Variants in RIMS2 observed in about 807,000 individuals in gnomAD.
RIMS2 encodes regulating synaptic membrane exocytosis 2, also known as regulating synaptic membrane exocytosis protein 2.
In RIMS2, 59 loss-of-function variants were observed where a neutral mutation model predicts 174.4. The ratio of observed to expected loss-of-function variants is 0.34; its 90% CI spans 0.27 to 0.42. The LOEUF is 0.42. RIMS2 is among the 10% of genes least tolerant of loss of function. RIMS2 has a pLI of 1.00. For missense variants in RIMS2, 1,620 were observed against 1,666.3 expected (o/e 0.97, Z 0.48); for synonymous variants, 606 against 572.5 (o/e 1.06, Z -0.84).
intron 19 of RIMS2, among the ~76,000 whole-genome samples, chr8:104,173,540 CA>C (rs1305306120): frequency 7.1e-6 from 1 of 141,378 alleles, no homozygotes; most frequent in Non-Finnish European, 1.5e-5. Context: ...TGTTATGAAA[CA>C]TTTTTTATAG....
chr8:103,871,797 C>T (rs755374056), intron 3 of RIMS2, among the ~76,000 whole-genome samples: 9 of 151,466 alleles, frequency 5.9e-5, no homozygotes, highest in Non-Finnish European at 1.0e-4. Context: ...TTTTTTTTTA[C>T]ATTTAGTTCT....
intron 3 of RIMS2, among the ~76,000 whole-genome samples, chr8:103,780,818 G>T (rs553022062): frequency 6.6e-6 from 1 of 152,050 alleles, no homozygotes; most frequent in East Asian, 1.9e-4. Flanking sequence ...CTATGTCTTT[G>T]CATTGAAAGG....
intron 19 of RIMS2, among the ~76,000 whole-genome samples, chr8:104,018,944 T>A (rs2096005651): frequency 6.6e-6 from 1 of 152,190 alleles, no homozygotes; most frequent in Non-Finnish European, 1.5e-5. Context: ...GTCCCTATTA[T>A]GTTTATATAC....
intron 8 of RIMS2, among the ~76,000 whole-genome samples, chr8:103,917,049 T>C (rs2076749152): frequency 6.6e-6 from 1 of 152,206 alleles, no homozygotes; most frequent in African/African-American, 2.4e-5. Context: ...ATAATGCCTA[T>C]GCATTAAATA....
At chr8:103,730,580 ATCTTTTGGTCTT>A in intron 2 of RIMS2, among the ~76,000 whole-genome samples, 1 of 152,268 alleles carries the variant, frequency 6.6e-6, no homozygotes, top group Non-Finnish European at 1.5e-5. Flanking sequence ...TGATAGATTC[ATCTTTTGGTCTT>A]TCTACTCAAG....
intron 17 of RIMS2, among the ~76,000 whole-genome samples, chr8:104,006,063 A>G (rs893575098): frequency 6.6e-5 from 10 of 152,112 alleles, no homozygotes; most frequent in African/African-American, 2.4e-4. Flanking sequence ...TCTCTACATT[A>G]CAAATCATCT....
At position 104,220,233 on chromosome 8, in the gene RIMS2, C is replaced by T. The variant is rs185757358; in HGVS notation, c.3335-24683C>T. The stretch of plus-strand genomic sequence containing the variant: ...TTCTCTTTCATTCTTTCTACTCTAC[C>T]TTGTGCCATTCTTCCGTCACTCATC... On this transcript the variant is annotated intron_variant, in intron 19 of 23. Coordinates refer to ENST00000504942, the Ensembl canonical transcript of RIMS2. Among the ~76,000 whole-genome samples, 392 of 152,154 alleles carry T rather than the reference C, an allele frequency of 2.6e-3. 2 individuals are homozygous for T. Among genetic ancestry groups the T allele is most frequent in the African/African-American group, 8.0e-3 (331 of 41,492 alleles).
rs138225297 is a variant in RIMS2, at chr8:103,580,505, A to T, written c.176+79443A>T. Among the ~76,000 whole-genome samples the T allele has an allele frequency of 7.9e-5, 12 of 152,198 alleles. 1 individual carries two copies. In the East Asian group the frequency reaches 2.1e-3, roughly 27 times the overall value. On this transcript the variant is annotated intron_variant, in intron 1 of 23. Transcript: ENST00000504942. ...AAGGGGATCAATTCAACAAGATGACATAACAATTATGAATTTCTGTGTACA... is the reference window on the plus strand; with the variant it reads ...AAGGGGATCAATTCAACAAGATGACTTAACAATTATGAATTTCTGTGTACA...
intron 1 of RIMS2, among the ~76,000 whole-genome samples, chr8:103,599,932 A>G (rs34873080): frequency 2.6e-5 from 4 of 152,040 alleles, no homozygotes; most frequent in South Asian, 2.1e-4. Flanking sequence ...AAAAATTTAC[A>G]ATCAAATTAT....
exon 14 of RIMS2, chr8:103,942,922 G>A: frequency 6.2e-7 from 1 of 1,602,106 alleles, no homozygotes; most frequent in Non-Finnish European, 8.5e-7. Context: ...CACGGAGGTT[G>A]CAAAGTAAGT....
chr8:103,619,589 A>G (rs2095587824), intron 1 of RIMS2, among the ~76,000 whole-genome samples: 1 of 152,140 alleles, frequency 6.6e-6, no homozygotes, highest in Non-Finnish European at 1.5e-5. Flanking sequence ...GGAAGAAAAG[A>G]AAGAGCAGTA....
At chr8:103,848,727 G>T (rs1469022261) in intron 3 of RIMS2, among the ~76,000 whole-genome samples, 1 of 151,916 alleles carries the variant, frequency 6.6e-6, no homozygotes, top group Non-Finnish European at 1.5e-5. Context: ...TCATGTTCTG[G>T]ACCAATTGCG....
chr8:104,062,040 T>A (rs1391242947), intron 19 of RIMS2, among the ~76,000 whole-genome samples: 2 of 152,194 alleles, frequency 1.3e-5, no homozygotes, highest in African/African-American at 4.8e-5. Flanking sequence ...TTTTTTCATA[T>A]ACAATGCCAA....
At chr8:103,897,229 C>T (rs978274085) in intron 4 of RIMS2, among the ~76,000 whole-genome samples, 1 of 151,722 alleles carries the variant, frequency 6.6e-6, no homozygotes, top group Admixed American at 6.6e-5. Context: ...TCTTTTTCTA[C>T]ACAAAGTGGA....
intron 3 of RIMS2, among the ~76,000 whole-genome samples, chr8:103,769,427 G>A (rs775321682): frequency 3.9e-5 from 6 of 152,058 alleles, no homozygotes; most frequent in Admixed American, 2.0e-4. Flanking sequence ...GAGTTCAAGC[G>A]ATTCTCCTGC....
At chr8:103,539,599 G>A (rs960873448) in intron 1 of RIMS2, among the ~76,000 whole-genome samples, 3 of 152,154 alleles carry the variant, frequency 2.0e-5, no homozygotes, top group Non-Finnish European at 4.4e-5. Context: ...TCATCCCCAA[G>A]AGCCTGCTCC....
intron 3 of RIMS2, among the ~76,000 whole-genome samples, chr8:103,812,725 G>T (rs551356296): frequency 6.6e-6 from 1 of 152,090 alleles, no homozygotes; most frequent in African/African-American, 2.4e-5. Context: ...CCTTTTGTTA[G>T]GAATTCCATC....
intron 17 of RIMS2, 128 bp downstream of exon 19, chr8:103,989,549 C>A: frequency 1.8e-6 from 1 of 541,548 alleles, no homozygotes; most frequent in Non-Finnish European, 3.2e-6. Context: ...TCTCTTACAA[C>A]GCTTACATTA....
At chr8:103,664,861 G>T (rs2096648995) in intron 1 of RIMS2, among the ~76,000 whole-genome samples, 1 of 152,168 alleles carries the variant, frequency 6.6e-6, no homozygotes, top group African/African-American at 2.4e-5. Context: ...CAATAGCAAA[G>T]ACTTGGAACC....
Sources: allele counts gnomAD v4.1 joint callset (sites outside exome capture counted in the v4.1 genomes callset), GRCh38; gene constraint gnomAD v4.1.1; transcripts MANE v1.5; gene names NCBI Gene and HGNC (gene_info 2026-07-23, HGNC 2026-07-21).